Variants in COL10A1 observed in about 807,000 individuals in gnomAD.
COL10A1 encodes the protein collagen type X alpha 1 chain.
COL10A1 carries 10 observed loss-of-function variants against 18.2 expected under a neutral mutation model. That is an observed-to-expected ratio of 0.55 (90% confidence interval 0.34 to 0.93). The LOEUF is 0.93. Ranked by LOEUF, COL10A1 falls within the 40% of genes least tolerant of loss-of-function variation. COL10A1 has a pLI of 0.02. For synonymous variants in COL10A1, 330 were observed against 316.6 expected, an observed-to-expected ratio of 1.04 and a Z score of -0.45; for missense variants, 897 against 853.5, an observed-to-expected ratio of 1.05 and a Z score of -0.64.
chr6:116,169,782 G>A, the COL10A1 span, among the ~76,000 whole-genome samples: 2 of 152,256 alleles, frequency 1.3e-5, no homozygotes, highest in East Asian at 3.9e-4. Flanking sequence ...GGAGTTCAGA[G>A]GATTATCAAT....
At position 116,120,767 on chromosome 6, in the gene COL10A1, G is replaced by A. The variant is rs374996283; in HGVS notation, c.1349C>T (p.Thr450Ile). 9 of 1,612,686 alleles carry A rather than the reference G, an allele frequency of 5.6e-6. No individual in the cohort carries two copies. The highest frequency in any genetic ancestry group is 7.6e-6 in the Non-Finnish European group (9 of 1,179,586). The change falls in exon 3 of 3, where the codon ACT (threonine) becomes ATT (isoleucine). Residue 450 changes from threonine to isoleucine, a missense_variant. By Grantham distance (89) the Thr-to-Ile change is moderately conservative (BLOSUM62 -1). Coordinates refer to ENST00000651968, the MANE Select transcript of COL10A1 (RefSeq NM_000493.4). ...GPRGAPGIPGTRGPIGPPGIP... is the reference protein window; with the variant it reads ...GPRGAPGIPGIRGPIGPPGIP... ...GCCTGGTGGCCCAATAGGGCCTCTA[G>A]TACCTGGTATTCCAGGGGCACCTCT...
the COL10A1 span, among the ~76,000 whole-genome samples, chr6:116,172,521 C>T: frequency 6.6e-6 from 1 of 151,860 alleles, no homozygotes; most frequent in African/African-American, 2.4e-5. Context: ...AGGGTTTCAC[C>T]ATGTTGGCCA....
At chr6:116,214,819 A>AT in the COL10A1 span, among the ~76,000 whole-genome samples, 2 of 150,500 alleles carry the variant, frequency 1.3e-5, no homozygotes, top group African/African-American at 2.5e-5. Context: ...TTAAAGTATA[A>AT]TAAAAAAAAA....
the COL10A1 span, among the ~76,000 whole-genome samples, chr6:116,178,088 T>TGTGTGTGTGTGTGTGC: frequency 1.0e-5 from 1 of 99,624 alleles, no homozygotes; most frequent in African/African-American, 4.7e-5. Context: ...TGTGTGTGTG[T>TGTGTGTGTGTGTGTGC]GCGCGCGCGC....
At chr6:116,149,705 T>C (rs1291154182) in intron 1 of COL10A1, among the ~76,000 whole-genome samples, 1 of 152,180 alleles carries the variant, frequency 6.6e-6, no homozygotes, top group Non-Finnish European at 1.5e-5. Context: ...ATGCACCAAA[T>C]CAGTTTAGAG....
At chr6:116,134,366 G>T (rs1423262788) in intron 1 of COL10A1, among the ~76,000 whole-genome samples, 1 of 152,142 alleles carries the variant, frequency 6.6e-6, no homozygotes, top group Non-Finnish European at 1.5e-5. Context: ...GTGTCTGTGT[G>T]AATCTATCTT....
Position 116,120,958 on chromosome 6 carries a change from T to C in COL10A1, c.1158A>G (p.Gly386=). The C allele has an allele frequency of 1.2e-6, 2 of 1,613,724 alleles. No individual in the cohort carries two copies. Among genetic ancestry groups the C allele is most frequent in the Non-Finnish European group, 1.7e-6 (2 of 1,179,828 alleles). ...CTGGTTTTCCTGGGTACCCTGGTTT[T>C]CCATCTGACCCAGGGGAACCCCTTT... is the stretch of plus-strand genomic sequence containing the variant. ...KGERGSPGSD[G]KPGYPGKPGL... The change falls in exon 3 of 3, where the codon GGA becomes GGG. Residue 386 remains glycine (G), a synonymous_variant. Coordinates refer to ENST00000651968, the MANE Select transcript of COL10A1 (RefSeq NM_000493.4).
the COL10A1 span, among the ~76,000 whole-genome samples, chr6:116,182,336 C>T: frequency 6.6e-6 from 1 of 151,574 alleles, no homozygotes; most frequent in Admixed American, 6.6e-5. Flanking sequence ...GCAAATTGTG[C>T]TGCTATAAAT....
the COL10A1 span, among the ~76,000 whole-genome samples, chr6:116,215,149 A>G: frequency 6.6e-6 from 1 of 152,280 alleles, no homozygotes; most frequent in South Asian, 2.1e-4. Flanking sequence ...TAGCTCTACA[A>G]TCTAATCACC....
the COL10A1 span, among the ~76,000 whole-genome samples, chr6:116,171,779 TACA>T: frequency 6.6e-6 from 1 of 152,342 alleles, no homozygotes; most frequent in Middle Eastern, 3.4e-3. Flanking sequence ...GCAATTGGGG[TACA>T]GAGAGAAGCC....
At chr6:116,147,385 T>C (rs1235480006) in intron 1 of COL10A1, among the ~76,000 whole-genome samples, 1 of 151,532 alleles carries the variant, frequency 6.6e-6, no homozygotes, top group Non-Finnish European at 1.5e-5. Context: ...GAGGTTGCAG[T>C]GAACTGAGAT....
chr6:116,204,351 A>G, the COL10A1 span, among the ~76,000 whole-genome samples: 19 of 152,108 alleles, frequency 1.2e-4, no homozygotes, highest in African/African-American at 4.3e-4. Context: ...AGAGGTAGTG[A>G]CTGAGAAAGA....
intron 1 of COL10A1, among the ~76,000 whole-genome samples, chr6:116,149,612 A>G (rs1361407402): frequency 6.6e-6 from 1 of 152,214 alleles, no homozygotes; most frequent in Non-Finnish European, 1.5e-5. Flanking sequence ...TCTAGACTTT[A>G]TTGGAGAAAT....
intron 1 of COL10A1, among the ~76,000 whole-genome samples, chr6:116,136,047 T>G (rs1445631630): frequency 6.6e-6 from 1 of 152,008 alleles, no homozygotes; most frequent in Non-Finnish European, 1.5e-5. Context: ...TTATTCATCC[T>G]ACGTAACTGA....
At chr6:116,183,009 T>C in the COL10A1 span, among the ~76,000 whole-genome samples, 2 of 152,154 alleles carry the variant, frequency 1.3e-5, no homozygotes, top group Non-Finnish European at 2.9e-5. Context: ...TGGTTTTGGG[T>C]CTTAGATTTA....
At chr6:116,203,015 AAATTT>A in the COL10A1 span, among the ~76,000 whole-genome samples, 48 of 152,150 alleles carry the variant, frequency 3.2e-4, 1 homozygote, top group Middle Eastern at 3.4e-3. Flanking sequence ...GTGGTTTTTT[AAATTT>A]AATTTAATAC....
In COL10A1 at chr6:116,121,579, T is replaced by A. The variant is rs1562124541; in HGVS notation, c.537A>T (p.Pro179=). The A allele has an allele frequency of 6.2e-7, 1 of 1,614,082 alleles. No homozygotes were observed. The highest frequency in any genetic ancestry group is 8.5e-7 in the Non-Finnish European group (1 of 1,179,978). ...TCTGTCCATTCATACCAGGGACTCC[T>A]GGTGCACCCTTTTCTCCAGGAAAGC... ...PRGFPGEKGA[P]GVPGMNGQKG... Residue 179 remains proline (P), a synonymous_variant, in exon 3 of 3, where the codon CCA becomes CCT. Coordinates refer to ENST00000651968, the MANE Select transcript of COL10A1 (RefSeq NM_000493.4).
At chr6:116,201,024 C>T in the COL10A1 span, among the ~76,000 whole-genome samples, 1 of 151,914 alleles carries the variant, frequency 6.6e-6, no homozygotes, top group African/African-American at 2.4e-5. Context: ...TATGGTAGCA[C>T]CCCACAGCAC....
the COL10A1 span, among the ~76,000 whole-genome samples, chr6:116,195,691 A>G: frequency 2.0e-5 from 3 of 152,054 alleles, no homozygotes; most frequent in Non-Finnish European, 2.9e-5. Flanking sequence ...TCTTTAGAAT[A>G]TGGTAGACTC....
Sources: gnomAD v4.1 joint callset for allele counts (sites outside exome capture counted in the v4.1 genomes callset) on GRCh38, gnomAD v4.1.1 for gene constraint, MANE v1.5 for transcripts, NCBI Gene and HGNC (gene_info 2026-07-23, HGNC 2026-07-21) for gene names.